The following TRAF3 variants were observed in gnomAD, a reference collection of about 807,000 sequenced individuals.
TRAF3 encodes TNF receptor-associated factor 3.
A neutral mutation model predicts 62.3 loss-of-function variants in TRAF3; 13 were observed. That is an observed-to-expected ratio of 0.21 (90% CI 0.14 to 0.33). The LOEUF is 0.33. Ranked by LOEUF, TRAF3 falls within the 10% of genes least tolerant of loss-of-function variation. The pLI is 1.00. For missense variants in TRAF3, 440 were observed against 741.8 expected, an observed-to-expected ratio of 0.59 and a Z score of 4.73; for synonymous variants, 269 against 283.4, an observed-to-expected ratio of 0.95 and a Z score of 0.51.
chr14:102,855,758 C>T (rs534331218), intron 2 of TRAF3, among the ~76,000 whole-genome samples: 5 of 150,946 alleles, frequency 3.3e-5, no homozygotes, highest in East Asian at 1.9e-4. Context: ...ATCATGCCAC[C>T]GCACTCCAGC....
intron 1 of TRAF3, among the ~76,000 whole-genome samples, chr14:102,810,159 C>T (rs374973983): frequency 3.3e-5 from 5 of 152,188 alleles, no homozygotes; most frequent in Admixed American, 1.3e-4. Context: ...GAATGCTTTA[C>T]CAAAAAACAA....
intron 2 of TRAF3, among the ~76,000 whole-genome samples, chr14:102,849,744 T>C (rs1009731211): frequency 5.6e-4 from 85 of 152,326 alleles, no homozygotes; most frequent in Middle Eastern, 3.4e-3. Flanking sequence ...GTGGAACATT[T>C]GGCATCAGGT....
intron 7 of TRAF3, 30 bp from the exon 8 acceptor site, chr14:102,889,530 G>T (rs1234401892): frequency 6.2e-7 from 1 of 1,611,720 alleles, no homozygotes; most frequent in Non-Finnish European, 8.5e-7. Context: ...AAACGTTTGT[G>T]CCACAACTCA....
At chr14:102,779,923 C>G (rs1045924612) in intron 1 of TRAF3, among the ~76,000 whole-genome samples, 3 of 152,232 alleles carry the variant, frequency 2.0e-5, no homozygotes, top group African/African-American at 7.2e-5. Flanking sequence ...TTAGCAGAGG[C>G]GACGTCTCGT....
intron 1 of TRAF3, among the ~76,000 whole-genome samples, chr14:102,815,073 C>G (rs2139543201): frequency 6.6e-6 from 1 of 152,194 alleles, no homozygotes; most frequent in South Asian, 2.1e-4. Flanking sequence ...GTAGCTAGGG[C>G]TACAGGCGGT....
intron 1 of TRAF3, among the ~76,000 whole-genome samples, chr14:102,795,642 C>T (rs1290581792): frequency 7.1e-6 from 1 of 140,000 alleles, no homozygotes; most frequent in Non-Finnish European, 1.6e-5. Context: ...TCCATTGTTT[C>T]TGACTCATAA....
At chr14:102,791,904 C>G (rs184881916) in intron 1 of TRAF3, among the ~76,000 whole-genome samples, 211 of 152,026 alleles carry the variant, frequency 1.4e-3, no homozygotes, top group African/African-American at 4.9e-3. Flanking sequence ...CCTCTGCCTC[C>G]CAGGCTCAAG....
intron 6 of TRAF3, among the ~76,000 whole-genome samples, chr14:102,881,876 A>G (rs937771394): frequency 1.3e-5 from 2 of 152,216 alleles, no homozygotes; most frequent in African/African-American, 4.8e-5. Context: ...AACACCATAT[A>G]AGTAACTGAC....
chr14:102,872,982 G>A (rs1041958033), intron 4 of TRAF3, among the ~76,000 whole-genome samples: 1 of 152,050 alleles, frequency 6.6e-6, no homozygotes, highest in African/African-American at 2.4e-5. Flanking sequence ...ATGAGCCACC[G>A]CACCCAGCAA....
At chr14:102,829,830 A>G (rs978054747) in intron 1 of TRAF3, among the ~76,000 whole-genome samples, 2 of 152,180 alleles carry the variant, frequency 1.3e-5, no homozygotes, top group Admixed American at 1.3e-4. Context: ...GCTGTTTGTT[A>G]GAAATATATG....
At chr14:102,842,973 C>T (rs557332911) in intron 2 of TRAF3, among the ~76,000 whole-genome samples, 21 of 151,938 alleles carry the variant, frequency 1.4e-4, no homozygotes, top group Admixed American at 3.9e-4. Context: ...TTTGGGAGGC[C>T]GAGGTGGGCG....
intron 1 of TRAF3, among the ~76,000 whole-genome samples, chr14:102,825,321 C>T (rs764349555): frequency 9.2e-5 from 14 of 152,310 alleles, no homozygotes; most frequent in African/African-American, 3.4e-4. Context: ...CACAGGCCTG[C>T]GGGGACCTGG....
At chr14:102,846,786 A>G (rs184795171) in intron 2 of TRAF3, among the ~76,000 whole-genome samples, 2 of 152,112 alleles carry the variant, frequency 1.3e-5, no homozygotes, top group Non-Finnish European at 2.9e-5. Context: ...ACTGCACTCC[A>G]GCCTGGGTGA....
rs1566749665 is a variant in TRAF3 at position 102,811,563 on chromosome 14, T to TTG, written c.-156-18770_-156-18769insGT. Reference sequence around the variant, plus strand: ...GCGCTGTAGGCGGTTTTTTTTTTTTTTTTTTTTTTTTGGTTTTTGTTTGTT... The same window carrying TTG: ...GCGCTGTAGGCGGTTTTTTTTTTTTTTGTTTTTTTTTTTGGTTTTTGTTTGTT... On this transcript the variant is annotated intron_variant, in intron 1 of 11. Coordinates refer to ENST00000392745, the MANE Select transcript of TRAF3 (RefSeq NM_145725.3). 1.0e-4 allele frequency among the ~76,000 whole-genome samples: 15 copies of TTG among 149,842 alleles called. No homozygotes were observed. In the South Asian group the frequency reaches 2.7e-3, roughly 27 times the overall value.
chr14:102,879,707 CTAAA>C (rs1489849584), intron 6 of TRAF3, among the ~76,000 whole-genome samples: 3 of 150,962 alleles, frequency 2.0e-5, no homozygotes, highest in Non-Finnish European at 4.4e-5. Context: ...TTTGCACCAA[CTAAA>C]TACTTTATAA....
At chr14:102,900,138 C>T (rs1395137863) in intron 10 of TRAF3, among the ~76,000 whole-genome samples, 5 of 136,774 alleles carry the variant, frequency 3.7e-5, no homozygotes, top group African/African-American at 1.2e-4. Context: ...GAGATAGCGC[C>T]GCTGCAGTCA....
At chr14:102,805,076 CT>C (rs1197687209) in intron 1 of TRAF3, among the ~76,000 whole-genome samples, 1 of 152,142 alleles carries the variant, frequency 6.6e-6, no homozygotes, top group East Asian at 1.9e-4. Context: ...GTTTTCTTTC[CT>C]TTTGGTGCTT....
At chr14:102,868,226 C>T (rs1024606061) in intron 2 of TRAF3, among the ~76,000 whole-genome samples, 18 of 152,146 alleles carry the variant, frequency 1.2e-4, no homozygotes, top group Non-Finnish European at 2.2e-4. Context: ...TGAGGCTTAC[C>T]GTATCGTGAG....
At chr14:102,815,671 A>G (rs541668589) in intron 1 of TRAF3, among the ~76,000 whole-genome samples, 1 of 152,338 alleles carries the variant, frequency 6.6e-6, no homozygotes, top group Non-Finnish European at 1.5e-5. Flanking sequence ...ACTGCTATAA[A>G]GAAATTCCCC....
Sources: allele counts gnomAD v4.1 joint callset (sites outside exome capture counted in the v4.1 genomes callset), GRCh38; gene constraint gnomAD v4.1.1; transcripts MANE v1.5; gene names NCBI Gene and HGNC (gene_info 2026-07-23, HGNC 2026-07-21).